Variants in CLASP1 observed in about 807,000 individuals in gnomAD.
CLASP1 encodes the protein CLIP-associating protein 1.
Under a neutral mutation model 192.3 loss-of-function variants are expected in CLASP1, and 38 were observed. The ratio of observed to expected loss-of-function variants is 0.20; its 90% confidence interval spans 0.15 to 0.26. The LOEUF is 0.26. Ranked by LOEUF, CLASP1 falls within the 10% of genes least tolerant of loss-of-function variation. The pLI is 1.00. For synonymous variants in CLASP1, 691 were observed against 712.8 expected, an observed-to-expected ratio of 0.97 and a Z score of 0.49; for missense variants, 1,433 against 1,932.5, an observed-to-expected ratio of 0.74 and a Z score of 4.85.
At chr2:121,476,419 C>A (rs1212842283) in intron 8 of CLASP1, among the ~76,000 whole-genome samples, 1 of 152,130 alleles carries the variant, frequency 6.6e-6, no homozygotes, top group African/African-American at 2.4e-5. Flanking sequence ...CTATGAGGGG[C>A]AGAGATATCA....
chr2:121,556,279 C>A (rs1211896651), intron 2 of CLASP1, among the ~76,000 whole-genome samples: 1 of 152,246 alleles, frequency 6.6e-6, no homozygotes, highest in Middle Eastern at 3.4e-3. Flanking sequence ...AACCACCATG[C>A]CCAGCCACAG....
At chr2:121,490,021 A>AT (rs2093214726) in intron 8 of CLASP1, among the ~76,000 whole-genome samples, 1 of 152,230 alleles carries the variant, frequency 6.6e-6, no homozygotes, top group Non-Finnish European at 1.5e-5. Context: ...TAAACAGAAG[A>AT]TAAAAACACA....
At chr2:121,370,019 A>G (rs1174584710) in intron 34 of CLASP1, among the ~76,000 whole-genome samples, 1 of 152,176 alleles carries the variant, frequency 6.6e-6, no homozygotes, top group African/African-American at 2.4e-5. Flanking sequence ...ATTTCTATTA[A>G]AGCAAAGCAG....
chr2:121,431,239 T>C (rs531492155), intron 19 of CLASP1, among the ~76,000 whole-genome samples: 1 of 152,094 alleles, frequency 6.6e-6, no homozygotes, highest in Non-Finnish European at 1.5e-5. Context: ...ATAAAACTAG[T>C]TAAGAATCAA....
chr2:121,600,748 T>A (rs1671273953), intron 2 of CLASP1, among the ~76,000 whole-genome samples: 1 of 152,210 alleles, frequency 6.6e-6, no homozygotes, highest in African/African-American at 2.4e-5. Context: ...TAATTTAACA[T>A]CCATGCTACC....
intron 37 of CLASP1, among the ~76,000 whole-genome samples, chr2:121,362,572 G>A (rs2066624442): frequency 1.3e-5 from 2 of 152,262 alleles, no homozygotes; most frequent in Non-Finnish European, 2.9e-5. Flanking sequence ...CTTGCAGAGA[G>A]AAGCACACTG....
At chr2:121,525,259 C>T (rs868481891) in intron 6 of CLASP1, among the ~76,000 whole-genome samples, 2 of 152,190 alleles carry the variant, frequency 1.3e-5, no homozygotes, top group Middle Eastern at 6.8e-3. Context: ...TTGTGAATTG[C>T]CTGGTAACTC....
chr2:121,603,065 A>T (rs1001798415), intron 2 of CLASP1: 1 of 152,072 alleles, frequency 6.6e-6, no homozygotes, highest in Admixed American at 6.5e-5. Flanking sequence ...CTGACAGGAG[A>T]CTTTTTTTTT....
At chr2:121,544,780 G>A (rs867090542) in intron 2 of CLASP1, among the ~76,000 whole-genome samples, 6 of 151,990 alleles carry the variant, frequency 3.9e-5, no homozygotes, top group African/African-American at 1.4e-4. Flanking sequence ...AAAAACATGG[G>A]ATCCTAGAAA....
chr2:121,430,308 A>C (rs1188127879), intron 19 of CLASP1, 131 bp from the exon 20 acceptor site: 10 of 649,692 alleles, frequency 1.5e-5, no homozygotes, highest in African/African-American at 7.3e-5. Flanking sequence ...TTCTGTGAGC[A>C]GATCCTCCAC....
chr2:121,562,997 G>C (rs2059219097), intron 2 of CLASP1, among the ~76,000 whole-genome samples: 1 of 152,156 alleles, frequency 6.6e-6, no homozygotes, highest in Admixed American at 6.5e-5. Flanking sequence ...CTTCCCCAGA[G>C]GCACTTGGCT....
intron 5 of CLASP1, among the ~76,000 whole-genome samples, chr2:121,527,326 T>C (rs1229760146): frequency 6.6e-6 from 1 of 152,144 alleles, no homozygotes; most frequent in Non-Finnish European, 1.5e-5. Flanking sequence ...CTATCAAATG[T>C]CAGGTGCAAA....
intron 5 of CLASP1, 72 bp from the exon 6 acceptor site, chr2:121,525,992 C>G: frequency 1.9e-6 from 2 of 1,070,022 alleles, no homozygotes; most frequent in South Asian, 2.7e-5. Flanking sequence ...TCTGCCCACA[C>G]CTGCCCTTCC....
chr2:121,466,599 T>C (rs2089642196), intron 9 of CLASP1, among the ~76,000 whole-genome samples: 1 of 152,054 alleles, frequency 6.6e-6, no homozygotes, highest in South Asian at 2.1e-4. Context: ...ACCTACACAA[T>C]TTTTCTGAGA....
chr2:121,351,294 C>T (rs1259697571), intron 37 of CLASP1, among the ~76,000 whole-genome samples: 1 of 152,234 alleles, frequency 6.6e-6, no homozygotes, highest in African/African-American at 2.4e-5. Flanking sequence ...ACACTTTTCC[C>T]CCAACTTCTG....
intron 30 of CLASP1, among the ~76,000 whole-genome samples, chr2:121,389,080 A>G (rs2073868963): frequency 1.3e-5 from 2 of 152,196 alleles, no homozygotes; most frequent in South Asian, 4.1e-4. Flanking sequence ...AAATCCAAAA[A>G]CCCAAAGGTA....
chr2:121,593,038 T>C (rs1367803372), intron 2 of CLASP1, among the ~76,000 whole-genome samples: 1 of 152,158 alleles, frequency 6.6e-6, no homozygotes, highest in Non-Finnish European at 1.5e-5. Flanking sequence ...TCTCAAACTA[T>C]CTCCCCACAA....
At chr2:121,395,585 A>T (rs1225391320) in intron 30 of CLASP1, among the ~76,000 whole-genome samples, 1 of 152,196 alleles carries the variant, frequency 6.6e-6, no homozygotes, top group Non-Finnish European at 1.5e-5. Context: ...CTTAAACATG[A>T]CTACTGTCCT....
intron 37 of CLASP1, among the ~76,000 whole-genome samples, chr2:121,358,201 G>A (rs2065767270): frequency 6.6e-6 from 1 of 152,140 alleles, no homozygotes; most frequent in South Asian, 2.1e-4. Flanking sequence ...AAAGGAAATG[G>A]GGCTTCTGGT....
Sources: allele counts gnomAD v4.1 joint callset (sites outside exome capture counted in the v4.1 genomes callset), GRCh38; gene constraint gnomAD v4.1.1; transcripts MANE v1.5; gene names NCBI Gene and HGNC (gene_info 2026-07-23, HGNC 2026-07-21).